Variants in MTMR7 observed in about 807,000 individuals in gnomAD.
MTMR7 encodes phosphatidylinositol-3-phosphate phosphatase MTMR7.
Under a neutral mutation model 81.2 loss-of-function variants are expected in MTMR7, and 76 were observed. The observed-to-expected ratio is 0.94, with a 90% CI of 0.78 to 1.13. The LOEUF (loss-of-function observed/expected upper bound fraction) is 1.13. Ranked by LOEUF, MTMR7 falls within the 50% of genes most tolerant of loss-of-function variation. The pLI is 0.00. For synonymous variants in MTMR7, 372 were observed against 289.8 expected, an observed-to-expected ratio of 1.28 and a Z score of -2.88; for missense variants, 1,044 against 820.0, an observed-to-expected ratio of 1.27 and a Z score of -3.34.
chr8:17,392,767 T>C (rs1238288294), intron 1 of MTMR7, among the ~76,000 whole-genome samples: 1 of 152,204 alleles, frequency 6.6e-6, no homozygotes, highest in African/African-American at 2.4e-5. Context: ...GAAAAAATAT[T>C]GAAACTCATT....
intron 4 of MTMR7, among the ~76,000 whole-genome samples, chr8:17,357,049 A>C (rs1402600301): frequency 6.6e-6 from 1 of 152,196 alleles, no homozygotes; most frequent in Middle Eastern, 3.2e-3. Context: ...CATGACAACA[A>C]AACACAACCA....
intron 1 of MTMR7, among the ~76,000 whole-genome samples, chr8:17,376,620 T>C (rs963549245): frequency 6.6e-6 from 1 of 152,192 alleles, no homozygotes; most frequent in East Asian, 1.9e-4. Context: ...CTTTTTTTGA[T>C]TATAGTCATC....
intron 6 of MTMR7, among the ~76,000 whole-genome samples, chr8:17,334,571 T>G (rs1170274654): frequency 3.3e-5 from 5 of 152,228 alleles, no homozygotes; most frequent in Non-Finnish European, 7.3e-5. Context: ...ATTTGCTGTT[T>G]GATAATATCA....
At chr8:17,386,760 G>C (rs571052345) in intron 1 of MTMR7, among the ~76,000 whole-genome samples, 1 of 152,168 alleles carries the variant, frequency 6.6e-6, no homozygotes, top group Admixed American at 6.5e-5. Context: ...TTGGTCACAC[G>C]CTTACCCCTA....
intron 11 of MTMR7, among the ~76,000 whole-genome samples, 191 bp downstream of exon 11, chr8:17,305,565 AT>A (rs1192755489): frequency 2.0e-5 from 3 of 152,204 alleles, no homozygotes; most frequent in African/African-American, 7.2e-5. Context: ...AAATGAAACT[AT>A]TTATCTGTCA....
Position 17,297,292 on chromosome 8 carries a change from T to G in MTMR7, c.*2570A>C, listed in dbSNP as rs551306584. On this transcript the variant is annotated 3_prime_UTR_variant, in exon 14 of 14. Transcript: ENST00000180173. The stretch of plus-strand genomic sequence containing the variant: ...TCTAAATCAATCAATCAGTGAGATA[T>G]AAACTAAACAGACCCACTTCAAAGT... 6.6e-6 allele frequency: 1 copy of G among 152,074 alleles called. No homozygotes were observed. Among genetic ancestry groups the G allele is most frequent in the Admixed American group, 6.6e-5 (1 of 15,264 alleles). 9.4% of individuals were successfully genotyped at this position (152,074 alleles called of 1,614,324 possible). A position where few individuals can be genotyped will look rare whatever the true frequency, so the allele number is the denominator to read the frequency against.
intron 8 of MTMR7, among the ~76,000 whole-genome samples, chr8:17,312,904 C>T (rs1162833425): frequency 6.6e-6 from 1 of 152,190 alleles, no homozygotes; most frequent in East Asian, 1.9e-4. Context: ...ACTCTACCTT[C>T]CAGCTACAGG....
At chr8:17,386,936 A>G (rs1820961086) in intron 1 of MTMR7, among the ~76,000 whole-genome samples, 1 of 152,172 alleles carries the variant, frequency 6.6e-6, no homozygotes, top group Non-Finnish European at 1.5e-5. Context: ...CCTGCCACAC[A>G]GTCTAGTCCC....
intron 4 of MTMR7, among the ~76,000 whole-genome samples, chr8:17,351,711 T>C (rs528123389): frequency 6.6e-6 from 1 of 152,184 alleles, no homozygotes; most frequent in East Asian, 1.9e-4. Context: ...AAAAGCTCCA[T>C]GGGTCACAGC....
intron 1 of MTMR7, among the ~76,000 whole-genome samples, chr8:17,375,554 G>T (rs1820560897): frequency 6.7e-6 from 1 of 150,226 alleles, no homozygotes; most frequent in African/African-American, 2.5e-5. Flanking sequence ...TATCCATCAT[G>T]GTGTATTTTT....
intron 1 of MTMR7, among the ~76,000 whole-genome samples, chr8:17,387,823 G>T (rs1227100829): frequency 6.6e-6 from 1 of 152,122 alleles, no homozygotes; most frequent in Non-Finnish European, 1.5e-5. Flanking sequence ...AAGGATTATT[G>T]TATCTAGTTT....
chr8:17,333,123 G>C (rs1164978488), intron 6 of MTMR7, among the ~76,000 whole-genome samples: 3 of 152,144 alleles, frequency 2.0e-5, no homozygotes, highest in African/African-American at 7.2e-5. Context: ...TCCATGACGT[G>C]GCTTATGTGA....
rs765467089 is a variant in MTMR7 at position 17,302,147 on chromosome 8, G to A, written c.1620+7C>T. On this transcript the variant is annotated splice_region_variant and intron_variant, in intron 13 of 13. Transcript: ENST00000180173. Reference sequence around the variant, plus strand: ...GAAAATAGATTAACAAAGCAAGTATGTCTTACTTCTTCCAGGGCCTCTAGT... The same window carrying A: ...GAAAATAGATTAACAAAGCAAGTATATCTTACTTCTTCCAGGGCCTCTAGT... The A allele has an allele frequency of 8.7e-6, 14 of 1,613,898 alleles. No individual in the cohort carries two copies. The highest frequency in any genetic ancestry group is 1.1e-5 in the Non-Finnish European group (13 of 1,179,940).
intron 7 of MTMR7, among the ~76,000 whole-genome samples, chr8:17,323,455 A>T (rs1818512047): frequency 1.3e-5 from 2 of 152,112 alleles, no homozygotes; most frequent in Non-Finnish European, 2.9e-5. Flanking sequence ...CTAAAATCTA[A>T]CAGGGAACTC....
intron 7 of MTMR7, among the ~76,000 whole-genome samples, chr8:17,316,261 T>G (rs73552032): frequency 0.33 from 50,627 of 151,606 alleles, 9,926 homozygotes; most frequent in East Asian, 0.72. Flanking sequence ...TCAAATAATA[T>G]ATATATTTTA....
chr8:17,355,012 T>C (rs1819844093), intron 4 of MTMR7, among the ~76,000 whole-genome samples: 1 of 152,086 alleles, frequency 6.6e-6, no homozygotes, highest in Admixed American at 6.6e-5. Context: ...AAAGAAATGC[T>C]GAGTAACTCA....
At chr8:17,340,410 G>C (rs1214156197) in intron 6 of MTMR7, among the ~76,000 whole-genome samples, 1 of 152,226 alleles carries the variant, frequency 6.6e-6, no homozygotes, top group Non-Finnish European at 1.5e-5. Context: ...TAGTGGCTAG[G>C]AAAGTGCAAT....
At position 17,299,198 on chromosome 8, in the gene MTMR7, T is replaced by C. The variant is rs1264844696; in HGVS notation, c.*664A>G. The stretch of plus-strand genomic sequence containing the variant: ...AATCAGTGTTAGAGAAAAAGTGAGA[T>C]ACAAGGTTTAGCATTTTTAAATAAT... On this transcript the variant is annotated 3_prime_UTR_variant, in exon 14 of 14. Coordinates refer to ENST00000180173, the MANE Select transcript of MTMR7 (RefSeq NM_004686.5). 6.6e-6 allele frequency: 1 copy of C among 152,230 alleles called. No homozygotes were observed. The highest frequency in any genetic ancestry group is 1.5e-5 in the Non-Finnish European group (1 of 68,050). The allele number at this position is 152,230 out of a possible 1,614,324, so 9.4% of individuals were successfully genotyped here.
intron 4 of MTMR7, among the ~76,000 whole-genome samples, chr8:17,355,296 T>G (rs1392444261): frequency 1.3e-5 from 2 of 152,184 alleles, no homozygotes; most frequent in African/African-American, 4.8e-5. Context: ...TGAGAACAAA[T>G]TAGTCTGATT....
Sources: gnomAD v4.1 joint callset for allele counts (sites outside exome capture counted in the v4.1 genomes callset) on GRCh38, gnomAD v4.1.1 for gene constraint, MANE v1.5 for transcripts, NCBI Gene and HGNC (gene_info 2026-07-23, HGNC 2026-07-21) for gene names.